Variants in CCDC77 observed in about 807,000 individuals in gnomAD.
CCDC77 encodes the protein coiled-coil domain containing 77.
A neutral mutation model predicts 66.8 loss-of-function variants in CCDC77; 56 were observed. The ratio of observed to expected loss-of-function variants is 0.84; its 90% CI spans 0.68 to 1.05. CCDC77 has a LOEUF of 1.05. Ranked by LOEUF, CCDC77 falls within the 50% of genes least tolerant of loss-of-function variation. The pLI is 0.00. For synonymous variants in CCDC77, 196 were observed against 195.2 expected (o/e 1.00, Z -0.03); for missense variants, 570 against 576.8 (o/e 0.99, Z 0.12).
At position 438,547 on chromosome 12, in the gene CCDC77, A is replaced by T; in HGVS notation, c.1034A>T (p.Tyr345Phe). Residue 345 changes from tyrosine to phenylalanine, a missense_variant, in exon 10 of 13, where the codon TAT (tyrosine) becomes TTT (phenylalanine). Transcript: ENST00000239830. ...MHESHHAQSE[Y>F]IKSLKDKLVQ... ...GAGAGTCACCATGCTCAAAGTGAAT[A>T]TATTAAGGTAATGTCCTTATGTCGT... 6.2e-7 allele frequency: 1 copy of T among 1,608,810 alleles called. No individual in the cohort carries two copies. The highest frequency in any genetic ancestry group is 8.5e-7 in the Non-Finnish European group (1 of 1,176,170).
At chr12:423,203 C>G (rs1361923805) in intron 5 of CCDC77, among the ~76,000 whole-genome samples, 1 of 138,996 alleles carries the variant, frequency 7.2e-6, no homozygotes, top group African/African-American at 2.7e-5. Flanking sequence ...TCACTGCAGC[C>G]TTTACCTACC....
intron 4 of CCDC77, among the ~76,000 whole-genome samples, chr12:417,132 C>CA (rs35593098): frequency 0.82 from 104,595 of 128,282 alleles, 42,833 homozygotes; most frequent in Non-Finnish European, 0.89. Context: ...GGCTCTGTCT[C>CA]AAAAAAAAAA....
chr12:392,116 G>A (rs1944763993), intron 1 of CCDC77, among the ~76,000 whole-genome samples: 1 of 152,058 alleles, frequency 6.6e-6, no homozygotes, highest in Non-Finnish European at 1.5e-5. Flanking sequence ...GAGTATAACT[G>A]TAGTTTAAAA....
At chr12:410,566 T>G (rs1265915806) in intron 3 of CCDC77, among the ~76,000 whole-genome samples, 2 of 150,950 alleles carry the variant, frequency 1.3e-5, no homozygotes, top group Non-Finnish European at 3.0e-5. Flanking sequence ...GTATTTTTGG[T>G]AGAAACTAGG....
intron 6 of CCDC77, 58 bp downstream of exon 6, chr12:428,923 CCAT>C: frequency 9.4e-7 from 1 of 1,068,342 alleles, no homozygotes; most frequent in South Asian, 1.4e-5. Flanking sequence ...AGGCTAAGGC[CCAT>C]CATCAGAAGA....
intron 5 of CCDC77, among the ~76,000 whole-genome samples, chr12:425,281 G>C (rs555850499): frequency 7.3e-6 from 1 of 136,174 alleles, no homozygotes; most frequent in East Asian, 2.1e-4. Flanking sequence ...GTTTTTAGCA[G>C]GATCTACTAG....
Position 442,019 on chromosome 12 carries a change from T to A in CCDC77, c.*99T>A, listed in dbSNP as rs900322137. On this transcript the variant is annotated 3_prime_UTR_variant, in exon 13 of 13. Transcript: ENST00000239830. ...CCAGAAAATGTAAACCTGAGTTGAC[T>A]AGAGTGGTGGTATTCATTATTGTAA... 7.8e-7 allele frequency: 1 copy of A among 1,275,576 alleles called. No homozygotes were observed. The highest frequency in any genetic ancestry group is 1.1e-6 in the Non-Finnish European group (1 of 893,732). 79.0% of individuals were successfully genotyped at this position (1,275,576 alleles called of 1,614,324 possible).
intron 4 of CCDC77, among the ~76,000 whole-genome samples, chr12:414,584 C>G (rs116384151): frequency 3.9e-5 from 6 of 152,280 alleles, no homozygotes; most frequent in Admixed American, 1.3e-4. Context: ...CTAACCCTGA[C>G]TCACTTTTCT....
chr12:394,267 A>C (rs1346057359), intron 1 of CCDC77, among the ~76,000 whole-genome samples: 2 of 152,332 alleles, frequency 1.3e-5, no homozygotes, highest in Non-Finnish European at 2.9e-5. Flanking sequence ...CTCTGTATGC[A>C]ACTGAGTGCG....
intron 10 of CCDC77, among the ~76,000 whole-genome samples, chr12:439,053 CG>C (rs1248979726): frequency 6.6e-6 from 1 of 151,378 alleles, no homozygotes; most frequent in Non-Finnish European, 1.5e-5. Context: ...ACTCCAGCCC[CG>C]ATGACAGTGC....
intron 4 of CCDC77, 82 bp downstream of exon 4, chr12:412,060 A>C (rs139110699): frequency 2.0e-6 from 2 of 998,652 alleles, no homozygotes; most frequent in African/African-American, 3.3e-5. Context: ...AGTTTATATC[A>C]GAAGCAGATG....
At chr12:407,823 T>C (rs1226413159) in intron 2 of CCDC77, among the ~76,000 whole-genome samples, 1 of 140,846 alleles carries the variant, frequency 7.1e-6, no homozygotes, top group African/African-American at 2.7e-5. Flanking sequence ...AGTCTCGCTC[T>C]GTTGCCCAGG....
intron 5 of CCDC77, among the ~76,000 whole-genome samples, chr12:427,070 C>T (rs1287399293): frequency 2.0e-5 from 3 of 152,078 alleles, no homozygotes; most frequent in South Asian, 2.1e-4. Flanking sequence ...CATGGTGAAA[C>T]CCCATCTCTA....
In CCDC77 at chr12:389,571, C is replaced by CAAGGCGGGGCGAGGCGGGGCGAGGCGG. The variant is rs1944711661; in HGVS notation, c.-113+87_-113+88insGGCGGGGCGAGGCGGGGCGAGGCGGAA. On this transcript the variant is annotated intron_variant, in intron 1 of 11. Transcript: ENST00000422000. ...CGACGGGGCGAGGCGGGGCGAGGCG[C>CAAGGCGGGGCGAGGCGGGGCGAGGCGG]AACGAGGCGGGGCGAGGCGCGACGC... 150 of 223,940 alleles carry CAAGGCGGGGCGAGGCGGGGCGAGGCGG rather than the reference C, an allele frequency of 6.7e-4. 4 individuals carry two copies. The highest frequency in any genetic ancestry group is 1.5e-4 in the Non-Finnish European group (16 of 108,830). 13.9% of individuals were successfully genotyped at this position (223,940 alleles called of 1,614,324 possible).
At chr12:429,679 G>A (rs758002088) in intron 6 of CCDC77, among the ~76,000 whole-genome samples, 19 of 151,858 alleles carry the variant, frequency 1.3e-4, no homozygotes, top group East Asian at 1.9e-4. Context: ...GGCTGGTCTC[G>A]AACTCCTGAG....
At chr12:433,118 G>A (rs1945680886) in intron 8 of CCDC77, 56 bp from the exon 9 acceptor site, 2 of 1,546,416 alleles carry the variant, frequency 1.3e-6, no homozygotes, top group Non-Finnish European at 1.8e-6. Flanking sequence ...TTTTCCTAGA[G>A]GTATGAAGTA....
intron 2 of CCDC77, among the ~76,000 whole-genome samples, chr12:406,904 G>A (rs951209728): frequency 2.0e-5 from 3 of 152,172 alleles, no homozygotes; most frequent in African/African-American, 4.8e-5. Context: ...CCGAGATTGC[G>A]CCATCGCACT....
intron 1 of CCDC77, among the ~76,000 whole-genome samples, chr12:404,666 T>C (rs1441520001): frequency 6.6e-6 from 1 of 151,978 alleles, no homozygotes; most frequent in Non-Finnish European, 1.5e-5. Context: ...ACAGTCACTA[T>C]GAAGGAGAAG....
Position 430,687 on chromosome 12 carries a change from C to G in CCDC77, c.534C>G (p.Ile178Met). 1 of 1,613,806 alleles carries G rather than the reference C, an allele frequency of 6.2e-7. No individual in the cohort carries two copies. Among genetic ancestry groups the G allele is most frequent in the Non-Finnish European group, 8.5e-7 (1 of 1,179,692 alleles). ...AGGTCACCATTCTCCAAAAGACTAT[C>G]CAGGCTGTAGGTGAATGTGAGCAGA... is the stretch of plus-strand genomic sequence containing the variant. ...PHKVTILQKT[I>M]QAVGECEQSE... is the part of the protein sequence containing the mutation. Residue 178 changes from isoleucine to methionine, a missense_variant, in exon 7 of 13, where the codon ATC (isoleucine) becomes ATG (methionine). Ile to Met is a conservative substitution (Grantham distance 10, BLOSUM62 1). Coordinates refer to ENST00000239830, the MANE Select transcript of CCDC77 (RefSeq NM_032358.4).
Sources: allele counts gnomAD v4.1 joint callset (sites outside exome capture counted in the v4.1 genomes callset), GRCh38; gene constraint gnomAD v4.1.1; transcripts MANE v1.5; gene names NCBI Gene and HGNC (gene_info 2026-07-23, HGNC 2026-07-21).